Variants in SH3PXD2A observed in about 807,000 individuals in gnomAD.
SH3PXD2A encodes the protein SH3 and PX domain-containing protein 2A.
In SH3PXD2A, 32 loss-of-function variants were observed where a neutral mutation model predicts 115.2. The observed-to-expected ratio is 0.28, with a 90% CI of 0.21 to 0.37. SH3PXD2A has a LOEUF of 0.37. Ranked by LOEUF, SH3PXD2A falls within the 10% of genes least tolerant of loss-of-function variation. The pLI, the probability that SH3PXD2A is intolerant of heterozygous loss-of-function variation, is 1.00. For synonymous variants in SH3PXD2A, 610 were observed against 629.1 expected (o/e 0.97, Z 0.45); for missense variants, 1,328 against 1,498.7 (o/e 0.89, Z 1.88).
chr10:103,709,250 G>A (rs1343229804), intron 5 of SH3PXD2A, among the ~76,000 whole-genome samples: 3 of 152,122 alleles, frequency 2.0e-5, no homozygotes, highest in Non-Finnish European at 4.4e-5. Flanking sequence ...TCTTGAAATC[G>A]GCTGGGAAAG....
chr10:103,616,320 C>T (rs184612914), intron 11 of SH3PXD2A, among the ~76,000 whole-genome samples: 91 of 152,246 alleles, frequency 6.0e-4, no homozygotes, highest in Non-Finnish European at 1.1e-3. Context: ...AGGACTATCC[C>T]TGTCAGCTGG....
intron 8 of SH3PXD2A, among the ~76,000 whole-genome samples, chr10:103,653,881 T>C (rs1164922169): frequency 2.0e-5 from 3 of 151,982 alleles, no homozygotes; most frequent in African/African-American, 7.3e-5. Flanking sequence ...CTCAGGGAGT[T>C]CTCCGGCTCA....
Position 103,756,410 on chromosome 10 carries a change from C to T in SH3PXD2A, c.229+10684G>A, listed in dbSNP as rs187727914. Among the ~76,000 whole-genome samples the T allele has an allele frequency of 3.9e-5, 6 of 152,188 alleles. No homozygotes were observed. The highest frequency in any genetic ancestry group is 2.1e-4 in the South Asian group (1 of 4,818). On this transcript the variant is annotated intron_variant, in intron 3 of 14. Coordinates refer to ENST00000369774, the MANE Select transcript of SH3PXD2A (RefSeq NM_001394015.1). The surrounding 1 kb of genome is among the most constrained non-coding windows in gnomAD (Gnocchi z 4.4). ...CACCTCCTAAGAAGTTGTTGGGGGC[C>T]GGAGCTCCTTCTCAATGCGCCTCAG... is the stretch of plus-strand genomic sequence containing the variant.
chr10:103,697,154 C>T (rs962508988), intron 5 of SH3PXD2A, among the ~76,000 whole-genome samples: 9 of 152,074 alleles, frequency 5.9e-5, no homozygotes, highest in African/African-American at 1.9e-4. Flanking sequence ...CAGGGGGGTG[C>T]CCTTGATCTA....
At chr10:103,621,675 C>T (rs2036605985) in intron 10 of SH3PXD2A, among the ~76,000 whole-genome samples, 2 of 152,230 alleles carry the variant, frequency 1.3e-5, no homozygotes, top group Non-Finnish European at 2.9e-5. Context: ...CAGGGGACTG[C>T]AGATGTTTAA....
At chr10:103,805,120 T>C (rs1250186768) in intron 1 of SH3PXD2A, among the ~76,000 whole-genome samples, 1 of 152,198 alleles carries the variant, frequency 6.6e-6, no homozygotes, top group African/African-American at 2.4e-5. Flanking sequence ...AGGGCTTAAC[T>C]GAGGCTTAAC....
At chr10:103,854,345 G>C (rs757875182) in intron 1 of SH3PXD2A, among the ~76,000 whole-genome samples, 5 of 152,178 alleles carry the variant, frequency 3.3e-5, no homozygotes, top group Non-Finnish European at 5.9e-5. Context: ...ACGCTCAGAG[G>C]GGTCAAGGAC....
intron 10 of SH3PXD2A, among the ~76,000 whole-genome samples, chr10:103,619,634 C>G (rs2036573545): frequency 6.6e-6 from 1 of 152,170 alleles, no homozygotes; most frequent in Non-Finnish European, 1.5e-5. Flanking sequence ...TTCGCAGCCT[C>G]CCGGGGTGCG....
intron 10 of SH3PXD2A, among the ~76,000 whole-genome samples, chr10:103,619,008 G>A (rs2036563139): frequency 6.6e-6 from 1 of 152,182 alleles, no homozygotes; most frequent in Admixed American, 6.5e-5. Context: ...GAACTGATGG[G>A]CTACTAGCCA....
rs1554925113 is a variant in SH3PXD2A, at chr10:103,801,366, T to C, written c.73-4A>G. The C allele has an allele frequency of 1.1e-5, 18 of 1,594,880 alleles. No homozygotes were observed. In the South Asian group the frequency reaches 2.0e-4, roughly 18 times the overall value. On this transcript the variant is annotated splice_region_variant and splice_polypyrimidine_tract_variant and intron_variant, in intron 1 of 14. Coordinates refer to ENST00000369774, the MANE Select transcript of SH3PXD2A (RefSeq NM_001394015.1). ...AGGTCACATTGATTATGTATACCTG[T>C]GGGAAAAAGGTAAGAGCAGGTGAGC...
intron 5 of SH3PXD2A, among the ~76,000 whole-genome samples, chr10:103,715,164 C>G (rs1047525695): frequency 1.3e-5 from 2 of 152,232 alleles, no homozygotes; most frequent in African/African-American, 4.8e-5. Context: ...AACAGAAAAT[C>G]CCATTTCCTG....
At chr10:103,842,216 C>CT (rs1464620632) in intron 1 of SH3PXD2A, among the ~76,000 whole-genome samples, 1 of 4,806 alleles carries the variant, frequency 2.1e-4, no homozygotes, top group African/African-American at 2.3e-4. Flanking sequence ...CGCCATTCAA[C>CT]CCCCATCTCA....
In SH3PXD2A at chr10:103,786,535, T is replaced by C. The variant is rs934144109; in HGVS notation, c.153+14747A>G. Among the ~76,000 whole-genome samples, 13 of 152,072 alleles carry C rather than the reference T, an allele frequency of 8.5e-5. No homozygotes were observed. The South Asian group carries it at 2.7e-3, about 32-fold the overall frequency. On this transcript the variant is annotated intron_variant, in intron 2 of 14. Transcript: ENST00000369774. Reference sequence around the variant, plus strand: ...TTTAAAAATTAGTCCAGCACAGTGGTGCACACTTGTACTCCCAGCTACTCA... The same window carrying C: ...TTTAAAAATTAGTCCAGCACAGTGGCGCACACTTGTACTCCCAGCTACTCA...
intron 8 of SH3PXD2A, among the ~76,000 whole-genome samples, chr10:103,639,976 A>G (rs1418723293): frequency 2.0e-5 from 3 of 152,184 alleles, no homozygotes; most frequent in Non-Finnish European, 4.4e-5. Context: ...TCAGGGGAAC[A>G]AAAAGGGTGT....
chr10:103,641,007 T>G (rs1321397975), intron 8 of SH3PXD2A, among the ~76,000 whole-genome samples: 1 of 152,082 alleles, frequency 6.6e-6, no homozygotes, highest in Admixed American at 6.5e-5. Flanking sequence ...TCCTGTTGGA[T>G]GTTTTAATCA....
At position 103,604,132 on chromosome 10, in the gene SH3PXD2A, G is replaced by A. The variant is rs115069212; in HGVS notation, c.1429-343C>T. 1.6e-3 allele frequency among the ~76,000 whole-genome samples: 246 copies of A among 152,294 alleles called. 1 individual carries two copies. Among genetic ancestry groups the A allele is most frequent in the African/African-American group, 5.7e-3 (237 of 41,568 alleles). ...AATCCTGCCAGTAGACTAAGGACAC[G>A]TATGAAGAAAACACTGCCCTTCTGC... On this transcript the variant is annotated intron_variant, in intron 14 of 14. Coordinates refer to ENST00000369774, the MANE Select transcript of SH3PXD2A (RefSeq NM_001394015.1).
intron 9 of SH3PXD2A, among the ~76,000 whole-genome samples, chr10:103,623,124 T>C (rs536809281): frequency 6.6e-6 from 1 of 152,324 alleles, no homozygotes; most frequent in Non-Finnish European, 1.5e-5. Context: ...CCTGTGTCTC[T>C]GCATTCCCAG....
chr10:103,686,243 A>G (rs1018720441), intron 6 of SH3PXD2A, among the ~76,000 whole-genome samples: 1 of 152,242 alleles, frequency 6.6e-6, no homozygotes, highest in African/African-American at 2.4e-5. Context: ...ATCTGCATGT[A>G]AACGAGCTGG....
intron 1 of SH3PXD2A, among the ~76,000 whole-genome samples, chr10:103,817,965 G>A (rs1589468565): frequency 6.6e-6 from 1 of 152,158 alleles, no homozygotes. Context: ...GCCTCTTTCT[G>A]GGATGATGAA....
Sources: gnomAD v4.1 joint callset for allele counts (sites outside exome capture counted in the v4.1 genomes callset) on GRCh38, gnomAD v4.1.1 for gene constraint, Gnocchi (gnomAD v3.1) non-coding constraint, MANE v1.5 for transcripts, NCBI Gene and HGNC (gene_info 2026-07-23, HGNC 2026-07-21) for gene names.